The following SPAG16 variants were observed in gnomAD, a reference collection of about 807,000 sequenced individuals.
The protein encoded by SPAG16 is sperm associated antigen 16, also known as sperm-associated antigen 16 protein.
A neutral mutation model predicts 80.4 loss-of-function variants in SPAG16; 86 were observed. That is an observed-to-expected ratio of 1.07 (90% CI 0.90 to 1.28). The LOEUF is 1.28. SPAG16 is among the 50% of genes most tolerant of loss of function. SPAG16 has a pLI of 0.00. For missense variants in SPAG16, 870 were observed against 765.3 expected (o/e 1.14, Z -1.61); for synonymous variants, 294 against 265.9 (o/e 1.11, Z -1.03).
chr2:213,819,555 T>G (rs1420367340), intron 10 of SPAG16, among the ~76,000 whole-genome samples: 3 of 152,196 alleles, frequency 2.0e-5, no homozygotes. Flanking sequence ...GAAAACTTTT[T>G]TTTTTTCCCA....
At chr2:213,921,049 G>C (rs531264059) in intron 11 of SPAG16, among the ~76,000 whole-genome samples, 1 of 152,228 alleles carries the variant, frequency 6.6e-6, no homozygotes, top group African/African-American at 2.4e-5. Context: ...CCCCTGCCTG[G>C]TAGCCTCCTG....
At chr2:213,562,735 C>A (rs575654965) in intron 10 of SPAG16, among the ~76,000 whole-genome samples, 1 of 151,974 alleles carries the variant, frequency 6.6e-6, no homozygotes, top group East Asian at 1.9e-4. Flanking sequence ...GATCTGATGC[C>A]TGGTGAGGCC....
intron 3 of SPAG16, among the ~76,000 whole-genome samples, chr2:213,305,247 T>G (rs1229044583): frequency 1.3e-5 from 2 of 152,162 alleles, no homozygotes; most frequent in Non-Finnish European, 2.9e-5. Flanking sequence ...ACTGACTTTA[T>G]CAGTCCTTTT....
chr2:213,626,812 T>A (rs1024522367), intron 10 of SPAG16, among the ~76,000 whole-genome samples: 1 of 151,998 alleles, frequency 6.6e-6, no homozygotes, highest in African/African-American at 2.4e-5. Context: ...CACACCTGGC[T>A]ACTTTTTGTA....
chr2:213,517,194 A>G (rs2075461284), intron 10 of SPAG16, among the ~76,000 whole-genome samples: 1 of 152,194 alleles, frequency 6.6e-6, no homozygotes, highest in Non-Finnish European at 1.5e-5. Flanking sequence ...AATCAAGAGC[A>G]TGATAACATT....
At chr2:213,375,359 ACATAAT>A (rs904590089) in intron 9 of SPAG16, 3 of 330,028 alleles carry the variant, frequency 9.1e-6, no homozygotes, top group African/African-American at 6.4e-5. Flanking sequence ...ACCTATCCCA[ACATAAT>A]CATGATCATG....
At chr2:214,198,438 T>A (rs1309667883) in intron 15 of SPAG16, among the ~76,000 whole-genome samples, 1 of 152,136 alleles carries the variant, frequency 6.6e-6, no homozygotes, top group Non-Finnish European at 1.5e-5. Context: ...TATTATTTCA[T>A]TCTTTTTTTG....
At chr2:213,357,391 A>G (rs1189557172) in intron 7 of SPAG16, among the ~76,000 whole-genome samples, 1 of 152,100 alleles carries the variant, frequency 6.6e-6, no homozygotes, top group Non-Finnish European at 1.5e-5. Context: ...GTGGGAGTCT[A>G]AGTCTCTTTA....
intron 7 of SPAG16, among the ~76,000 whole-genome samples, chr2:213,361,750 C>A (rs556133323): frequency 2.1e-3 from 323 of 150,304 alleles, no homozygotes; most frequent in Non-Finnish European, 3.6e-3. Flanking sequence ...GTTGGTGGAT[C>A]CCCAACTAAA....
chr2:213,321,806 A>G (rs985903173), intron 5 of SPAG16, among the ~76,000 whole-genome samples: 1 of 152,146 alleles, frequency 6.6e-6, no homozygotes, highest in Non-Finnish European at 1.5e-5. Context: ...GGAGAAAATG[A>G]TCTTATTAAA....
At chr2:213,285,452 A>C (rs17364024) in intron 1 of SPAG16, among the ~76,000 whole-genome samples, 2,174 of 152,168 alleles carry the variant, frequency 0.014, 25 homozygotes, top group South Asian at 0.038. Flanking sequence ...TTATTCAGGG[A>C]GGTAAGAAAG....
intron 15 of SPAG16, among the ~76,000 whole-genome samples, chr2:214,359,508 A>G (rs780081046): frequency 4.5e-4 from 69 of 152,040 alleles, no homozygotes; most frequent in Non-Finnish European, 7.5e-4. Flanking sequence ...AAAAAGTTTA[A>G]TGCTTTGGCT....
At chr2:213,889,716 T>TGCATATATATATACATATATATATATAC (rs2076712500) in intron 11 of SPAG16, among the ~76,000 whole-genome samples, 1 of 135,920 alleles carries the variant, frequency 7.4e-6, no homozygotes, top group African/African-American at 2.5e-5. Context: ...TATATACATA[T>TGCATATATATATACATATATATATATAC]GCATATATAT....
At chr2:214,190,175 G>A (rs573502664) in intron 15 of SPAG16, among the ~76,000 whole-genome samples, 3 of 151,946 alleles carry the variant, frequency 2.0e-5, no homozygotes, top group Non-Finnish European at 4.4e-5. Flanking sequence ...CACGTCTTTC[G>A]TCTGTGTCTG....
chr2:214,139,570 C>T (rs1036260350), intron 14 of SPAG16, among the ~76,000 whole-genome samples: 19 of 152,070 alleles, frequency 1.2e-4, no homozygotes, highest in East Asian at 1.2e-3. Context: ...TTTTAAATTT[C>T]GCTTTAAAAA....
chr2:214,103,495 A>T (rs2125385911), intron 13 of SPAG16, among the ~76,000 whole-genome samples: 1 of 152,324 alleles, frequency 6.6e-6, no homozygotes, highest in East Asian at 1.9e-4. Context: ...AGACGTCAGG[A>T]AATTAGATCT....
At chr2:213,380,419 G>A (rs897243185) in intron 9 of SPAG16, among the ~76,000 whole-genome samples, 1 of 152,204 alleles carries the variant, frequency 6.6e-6, no homozygotes, top group African/African-American at 2.4e-5. Context: ...GGAGACAGAA[G>A]GCAGGGTGAC....
intron 10 of SPAG16, among the ~76,000 whole-genome samples, chr2:213,817,829 G>T (rs11691696): frequency 1.3e-5 from 2 of 151,830 alleles, no homozygotes; most frequent in Non-Finnish European, 2.9e-5. Context: ...ATGGGAAAGA[G>T]GGAGGTGGGT....
intron 15 of SPAG16, among the ~76,000 whole-genome samples, chr2:214,181,367 C>A (rs1311872861): frequency 6.6e-6 from 1 of 151,708 alleles, no homozygotes; most frequent in Non-Finnish European, 1.5e-5. Flanking sequence ...AAAATAGAGG[C>A]CTCTAACTTG....
Sources: gnomAD v4.1 joint callset for allele counts (sites outside exome capture counted in the v4.1 genomes callset) on GRCh38, gnomAD v4.1.1 for gene constraint, MANE v1.5 for transcripts, NCBI Gene and HGNC (gene_info 2026-07-23, HGNC 2026-07-21) for gene names.